RUNX1T1: variants seen among roughly 807,000 people sequenced by gnomAD.
The protein encoded by RUNX1T1 is RUNX1 partner transcriptional co-repressor 1, also known as protein CBFA2T1.
A neutral mutation model predicts 62.8 loss-of-function variants in RUNX1T1; 4 were observed. The ratio of observed to expected loss-of-function variants is 0.06; its 90% CI spans 0.03 to 0.15. RUNX1T1 has a LOEUF of 0.15. Among genes scored for constraint, RUNX1T1 ranks in the 10% least tolerant of loss-of-function variants. The probability of loss-of-function intolerance (pLI) is 1.00; values close to 1 mark genes in which losing one functional copy is unlikely to be tolerated. For missense variants in RUNX1T1, 508 were observed against 754.3 expected, an observed-to-expected ratio of 0.67 and a Z score of 3.82; for synonymous variants, 291 against 286.0, an observed-to-expected ratio of 1.02 and a Z score of -0.18.
chr8:92,063,088 T>C (rs899816892), upstream of RUNX1T1: 2 of 430,870 alleles, frequency 4.6e-6, no homozygotes, highest in South Asian at 9.6e-5. Context: ...ATAGCCATAA[T>C]TGGGAACTGT....
chr8:91,958,575 CT>C (rs981934818), downstream of RUNX1T1: 53 of 178,852 alleles, frequency 3.0e-4, no homozygotes, highest in East Asian at 5.4e-4. Context: ...ATGCACTGTC[CT>C]TTTTTTTTAA....
At chr8:92,020,519 G>C (rs1271126262) in intron 1 of RUNX1T1, among the ~76,000 whole-genome samples, 1 of 151,818 alleles carries the variant, frequency 6.6e-6, no homozygotes, top group Non-Finnish European at 1.5e-5. Context: ...CTCAAAGACT[G>C]ACACAAAATG....
intron 8 of RUNX1T1, among the ~76,000 whole-genome samples, chr8:91,981,936 C>T (rs1815378274): frequency 1.3e-5 from 2 of 151,908 alleles, no homozygotes; most frequent in South Asian, 4.2e-4. Flanking sequence ...GACATTAGCC[C>T]TAAACCTATC....
At chr8:92,076,915 C>G (rs1005097462) in intron 1 of RUNX1T1, among the ~76,000 whole-genome samples, 1 of 151,880 alleles carries the variant, frequency 6.6e-6, no homozygotes, top group Non-Finnish European at 1.5e-5. Context: ...CTATGTAATT[C>G]TTACAAACTA....
chr8:92,013,574 A>G (rs1822403311), intron 3 of RUNX1T1, among the ~76,000 whole-genome samples: 1 of 152,200 alleles, frequency 6.6e-6, no homozygotes, highest in Non-Finnish European at 1.5e-5. Flanking sequence ...TGGACAATGA[A>G]AGAACTGCAT....
At chr8:92,014,497 G>C in intron 3 of RUNX1T1, 82 bp downstream of exon 4, 1 of 1,251,252 alleles carries the variant, frequency 8.0e-7, no homozygotes, top group East Asian at 2.4e-5. Context: ...AAATACTTGC[G>C]AGAACGGTGT....
chr8:92,086,337 TGAGAAGTTAAGGG>T (rs1245058668), intron 1 of RUNX1T1, among the ~76,000 whole-genome samples: 3 of 152,212 alleles, frequency 2.0e-5, no homozygotes, highest in African/African-American at 7.2e-5. Context: ...ACTGGTCAAA[TGAGAAGTTAAGGG>T]TCCCAGAACC....
intron 1 of RUNX1T1, among the ~76,000 whole-genome samples, chr8:92,057,890 A>G (rs1831292058): frequency 6.6e-6 from 1 of 152,332 alleles, no homozygotes. Flanking sequence ...TGCCACACAC[A>G]GAAATTAAAA....
intron 1 of RUNX1T1, among the ~76,000 whole-genome samples, chr8:92,018,789 T>C (rs966352522): frequency 1.3e-5 from 2 of 152,220 alleles, no homozygotes; most frequent in Non-Finnish European, 2.9e-5. Flanking sequence ...TTAGGGAAGA[T>C]GCAATAAGAG....
chr8:92,050,921 T>C (rs1444625120), intron 1 of RUNX1T1, among the ~76,000 whole-genome samples: 1 of 152,174 alleles, frequency 6.6e-6, no homozygotes, highest in African/African-American at 2.4e-5. Flanking sequence ...ATCGTTTTCA[T>C]CTCAAGGCTT....
chr8:92,004,949 CTG>C, intron 5 of RUNX1T1, 165 bp downstream of exon 6: 2 of 600,244 alleles, frequency 3.3e-6, no homozygotes, highest in Non-Finnish European at 5.6e-6. Context: ...ATTCAAAACT[CTG>C]TAAAATCCCA....
upstream of RUNX1T1, among the ~76,000 whole-genome samples, chr8:92,063,189 T>C (rs553517774): frequency 1.5e-3 from 236 of 152,318 alleles, no homozygotes; most frequent in African/African-American, 5.4e-3. Flanking sequence ...ACTTTGTATA[T>C]TGTGCCAGTT....
intron 1 of RUNX1T1, among the ~76,000 whole-genome samples, chr8:92,028,613 T>C (rs375790053): frequency 3.3e-5 from 5 of 152,310 alleles, no homozygotes; most frequent in Non-Finnish European, 7.4e-5. Flanking sequence ...GGTGTTCTAT[T>C]TAAGATCTCA....
chr8:91,960,657 T>C (rs994048836), intron 10 of RUNX1T1, 140 bp from the exon 12 acceptor site: 8 of 885,284 alleles, frequency 9.0e-6, no homozygotes, highest in Middle Eastern at 5.3e-4. Flanking sequence ...TGTTCACGTA[T>C]GGATACAAAC....
chr8:91,984,924 T>C (rs1348409289), intron 8 of RUNX1T1, among the ~76,000 whole-genome samples: 7 of 152,170 alleles, frequency 4.6e-5, no homozygotes, highest in Non-Finnish European at 1.0e-4. Context: ...TGCCTTAGAC[T>C]CTTTCATTAT....
chr8:91,991,303 T>A (rs1221887147), intron 6 of RUNX1T1, among the ~76,000 whole-genome samples: 1 of 152,152 alleles, frequency 6.6e-6, no homozygotes, highest in Non-Finnish European at 1.5e-5. Flanking sequence ...AGACTGCATA[T>A]GAAGTCTCAT....
At chr8:91,955,483 T>A (rs1809221086), downstream of RUNX1T1, 3 of 226,334 alleles carry the variant, frequency 1.3e-5, no homozygotes, top group Admixed American at 5.7e-5. Context: ...AAAAAAAATC[T>A]GTTCTGATAC....
upstream of RUNX1T1, chr8:92,102,996 C>T: frequency 3.5e-6 from 4 of 1,135,088 alleles, no homozygotes; most frequent in Non-Finnish European, 4.7e-6. This position sits in a 1 kb window ranked among gnomAD's most constrained non-coding sequence, Gnocchi z 4.5. Flanking sequence ...GTGTCCGCGG[C>T]CACTCGCCCA....
At chr8:92,045,112 T>C (rs1275191522) in intron 1 of RUNX1T1, among the ~76,000 whole-genome samples, 1 of 151,804 alleles carries the variant, frequency 6.6e-6, no homozygotes, top group Non-Finnish European at 1.5e-5. Context: ...TACATATATT[T>C]TATTTTCCAT....
Sources: allele counts gnomAD v4.1 joint callset (sites outside exome capture counted in the v4.1 genomes callset), GRCh38; gene constraint gnomAD v4.1.1; non-coding constraint Gnocchi (gnomAD v3.1); transcripts MANE v1.5; gene names NCBI Gene and HGNC (gene_info 2026-07-23, HGNC 2026-07-21).